ABCC4: variants seen among roughly 807,000 people sequenced by gnomAD.
The protein encoded by ABCC4 is ATP-binding cassette sub-family C member 4.
ABCC4 carries 102 observed loss-of-function variants against 168.5 expected under a neutral mutation model. The observed-to-expected ratio is 0.61, with a 90% CI of 0.52 to 0.71. The LOEUF (loss-of-function observed/expected upper bound fraction) is 0.71, where lower values mean the gene tolerates loss of function less well. Ranked by LOEUF, ABCC4 falls within the 30% of genes least tolerant of loss-of-function variation. ABCC4 has a pLI of 0.00. For missense variants in ABCC4, 1,402 were observed against 1,605.8 expected (o/e 0.87, Z 2.17); for synonymous variants, 617 against 590.7 (o/e 1.04, Z -0.65).
intron 30 of ABCC4, among the ~76,000 whole-genome samples, chr13:95,022,509 A>G (rs920249461): frequency 2.6e-5 from 4 of 152,204 alleles, no homozygotes; most frequent in South Asian, 4.2e-4. Flanking sequence ...ACAGATGCGC[A>G]TAACAAAATG....
chr13:95,099,609 G>A lies in ABCC4; in HGVS notation c.2535+16313C>T, dbSNP rs563354332. On this transcript the variant is annotated intron_variant, in intron 20 of 30. Transcript: ENST00000645237. ...ATACACAACCATAACGCTAAGAGAT[G>A]ATCTCCTCAGGTGCATTGAGGGTGG... Among the ~76,000 whole-genome samples, 11 of 152,266 alleles carry A rather than the reference G, an allele frequency of 7.2e-5. No individual in the cohort carries two copies. The South Asian group carries it at 2.3e-3, about 32-fold the overall frequency.
At chr13:95,228,422 C>T (rs527693317) in intron 4 of ABCC4, among the ~76,000 whole-genome samples, 2 of 152,292 alleles carry the variant, frequency 1.3e-5, no homozygotes, top group Non-Finnish European at 2.9e-5. Context: ...AGGCTGTCTG[C>T]TGCTCTGACC....
intron 20 of ABCC4, among the ~76,000 whole-genome samples, chr13:95,098,115 G>A (rs373470152): frequency 2.9e-4 from 40 of 136,164 alleles, no homozygotes; most frequent in Admixed American, 3.8e-4. Context: ...CAGCCTGGGC[G>A]ACAGAGTGAG....
intron 26 of ABCC4, among the ~76,000 whole-genome samples, chr13:95,060,707 T>C (rs1370754193): frequency 6.6e-6 from 1 of 152,248 alleles, no homozygotes; most frequent in Non-Finnish European, 1.5e-5. Flanking sequence ...GATACTTTTT[T>C]TTCTTTAAAC....
At chr13:95,257,309 T>A (rs1214116260) in intron 1 of ABCC4, among the ~76,000 whole-genome samples, 1 of 152,180 alleles carries the variant, frequency 6.6e-6, no homozygotes, top group Non-Finnish European at 1.5e-5. Context: ...TCACATTGAA[T>A]AGGCTGAAGA....
chr13:95,114,548 G>A (rs947750058), intron 20 of ABCC4, among the ~76,000 whole-genome samples: 1 of 151,946 alleles, frequency 6.6e-6, no homozygotes, highest in Non-Finnish European at 1.5e-5. Flanking sequence ...AACCCAGGAG[G>A]GCACATTTTA....
intron 9 of ABCC4, among the ~76,000 whole-genome samples, chr13:95,190,071 G>A (rs182289804): frequency 1.3e-5 from 2 of 152,064 alleles, no homozygotes; most frequent in Non-Finnish European, 2.9e-5. Context: ...GGCAGGGTAC[G>A]GACTGGTTCA....
chr13:95,209,960 A>G (rs1307815283), intron 5 of ABCC4, among the ~76,000 whole-genome samples: 1 of 152,224 alleles, frequency 6.6e-6, no homozygotes, highest in Non-Finnish European at 1.5e-5. Flanking sequence ...TACAGTGCCC[A>G]CCACATACTC....
At chr13:95,290,856 G>T (rs1433573440) in intron 1 of ABCC4, among the ~76,000 whole-genome samples, 1 of 146,890 alleles carries the variant, frequency 6.8e-6, no homozygotes, top group African/African-American at 2.4e-5. Context: ...AATTAGCCGG[G>T]TGTGGTGGCA....
In ABCC4 at chr13:95,186,895, G is replaced by A; in HGVS notation, c.1354-3C>T. On this transcript the variant is annotated splice_polypyrimidine_tract_variant and splice_region_variant and intron_variant, in intron 10 of 30. Transcript: ENST00000645237. ...AGCACGGCACTTAACAGTGATGACT[G>A]AAACAGATTGTAAAAAAGCACATGT... is the stretch of plus-strand genomic sequence containing the variant. 1.3e-6 allele frequency: 2 copies of A among 1,599,748 alleles called. No individual in the cohort carries two copies. Among genetic ancestry groups the A allele is most frequent in the South Asian group, 2.3e-5 (2 of 88,712 alleles).
At chr13:95,183,420 C>A (rs1461897315) in intron 11 of ABCC4, among the ~76,000 whole-genome samples, 1 of 152,186 alleles carries the variant, frequency 6.6e-6, no homozygotes, top group East Asian at 1.9e-4. Flanking sequence ...ACCATTGACA[C>A]GTGGATTTGA....
intron 4 of ABCC4, among the ~76,000 whole-genome samples, chr13:95,223,320 T>C (rs1399767142): frequency 6.6e-6 from 1 of 152,140 alleles, no homozygotes; most frequent in Non-Finnish European, 1.5e-5. Flanking sequence ...GCAGTCTTCA[T>C]AATAAAAACC....
Position 95,209,493 on chromosome 13 carries a change from T to A in ABCC4, c.726A>T (p.Ala242=). The A allele has an allele frequency of 2.5e-6, 4 of 1,614,198 alleles. No homozygotes were observed. The highest frequency in any genetic ancestry group is 2.5e-6 in the Non-Finnish European group (3 of 1,180,022). ...GCAAGGGCAGGAGAATGATTAGAAC[T>A]GCCATCCCAGCAAGGCACGATATTC... is the stretch of plus-strand genomic sequence containing the variant. ...EIGISCLAGM[A]VLIILLPLQS... The change falls in exon 6 of 31, where the codon GCA becomes GCT. Residue 242 remains alanine (A), a synonymous_variant. Coordinates refer to ENST00000645237, the MANE Select transcript of ABCC4 (RefSeq NM_005845.5).
At chr13:95,103,706 A>C (rs541086100) in intron 20 of ABCC4, among the ~76,000 whole-genome samples, 2 of 152,264 alleles carry the variant, frequency 1.3e-5, no homozygotes, top group South Asian at 4.1e-4. Flanking sequence ...TGTTTTCCTG[A>C]TGCTGGTACA....
At chr13:95,230,198 T>C (rs1438575182) in intron 4 of ABCC4, among the ~76,000 whole-genome samples, 2 of 152,166 alleles carry the variant, frequency 1.3e-5, no homozygotes, top group Non-Finnish European at 2.9e-5. Flanking sequence ...TTGGTAAAAG[T>C]TGTAAGAAAT....
chr13:95,093,478 G>A (rs184152681), intron 20 of ABCC4, among the ~76,000 whole-genome samples: 35 of 152,088 alleles, frequency 2.3e-4, no homozygotes, highest in African/African-American at 7.7e-4. Flanking sequence ...AAAAGCATTC[G>A]ACAAAATCCA....
intron 26 of ABCC4, among the ~76,000 whole-genome samples, chr13:95,062,486 T>TCTCACACACACACA (rs1555306573): frequency 6.9e-6 from 1 of 144,994 alleles, no homozygotes; most frequent in African/African-American, 2.6e-5. Flanking sequence ...TTATTAAATA[T>TCTCACACACACACA]CACACACACA....
intron 1 of ABCC4, among the ~76,000 whole-genome samples, chr13:95,299,141 C>A (rs2041611166): frequency 6.6e-6 from 1 of 151,648 alleles, no homozygotes; most frequent in African/African-American, 2.4e-5. Flanking sequence ...CACCTGGAGC[C>A]CCAGCTACTC....
At chr13:95,085,260 G>A (rs1342664048) in intron 20 of ABCC4, among the ~76,000 whole-genome samples, 1 of 141,584 alleles carries the variant, frequency 7.1e-6, no homozygotes, top group Non-Finnish European at 1.5e-5. Context: ...CCAACGTGGT[G>A]AAACCCTATC....
Sources: allele counts gnomAD v4.1 joint callset (sites outside exome capture counted in the v4.1 genomes callset), GRCh38; gene constraint gnomAD v4.1.1; transcripts MANE v1.5; gene names NCBI Gene and HGNC (gene_info 2026-07-23, HGNC 2026-07-21).